The following DPP10 variants were observed in gnomAD, a reference collection of about 807,000 sequenced individuals.
DPP10 encodes inactive dipeptidyl peptidase 10.
Under a neutral mutation model 120.9 loss-of-function variants are expected in DPP10, and 33 were observed. The ratio of observed to expected loss-of-function variants is 0.27; its 90% CI spans 0.21 to 0.37. DPP10 has a LOEUF of 0.37. Among genes scored for constraint, DPP10 ranks in the 10% least tolerant of loss-of-function variants. The pLI is 1.00. For synonymous variants in DPP10, 337 were observed against 326.1 expected, an observed-to-expected ratio of 1.03 and a Z score of -0.36; for missense variants, 816 against 942.8, an observed-to-expected ratio of 0.87 and a Z score of 1.76.
intron 1 of DPP10, among the ~76,000 whole-genome samples, chr2:114,776,915 A>G (rs1681797008): frequency 1.3e-5 from 2 of 152,084 alleles, no homozygotes; most frequent in South Asian, 4.1e-4. Context: ...TCTAAGGATC[A>G]GTGTTCTCAT....
intron 5 of DPP10, among the ~76,000 whole-genome samples, chr2:115,604,783 T>C (rs755447999): frequency 1.3e-5 from 2 of 152,192 alleles, no homozygotes; most frequent in Non-Finnish European, 2.9e-5. Context: ...TTTGAAAACA[T>C]AAGTAGCCAC....
chr2:114,752,443 C>G, intron 1 of DPP10, among the ~76,000 whole-genome samples: 1 of 152,280 alleles, frequency 6.6e-6, no homozygotes, highest in East Asian at 1.9e-4. Flanking sequence ...ATTAGAGCCT[C>G]GAATTAAAAA....
chr2:115,000,913 T>A (rs1428300433), intron 1 of DPP10, among the ~76,000 whole-genome samples: 1 of 152,142 alleles, frequency 6.6e-6, no homozygotes, highest in Non-Finnish European at 1.5e-5. Context: ...AAGAAAAAAT[T>A]GATTAAGGTA....
intron 2 of DPP10, among the ~76,000 whole-genome samples, chr2:115,310,370 A>C (rs2061527650): frequency 6.6e-6 from 1 of 152,188 alleles, no homozygotes. Context: ...TTAGTCAAAT[A>C]ATTTTGGTGA....
chr2:115,111,798 C>T (rs2049235618), intron 1 of DPP10, among the ~76,000 whole-genome samples: 1 of 152,142 alleles, frequency 6.6e-6, no homozygotes, highest in Non-Finnish European at 1.5e-5. Context: ...GATCCTTGAA[C>T]ATTTGGAAAA....
chr2:115,441,651 T>C (rs950280606), intron 3 of DPP10, among the ~76,000 whole-genome samples: 1 of 152,108 alleles, frequency 6.6e-6, no homozygotes, highest in Non-Finnish European at 1.5e-5. Context: ...GAAATGTAAT[T>C]ATTTGGGGCT....
chr2:115,614,257 A>G (rs2084324861), intron 5 of DPP10, among the ~76,000 whole-genome samples: 1 of 152,182 alleles, frequency 6.6e-6, no homozygotes, highest in African/African-American at 2.4e-5. Context: ...CGTAGGTGGG[A>G]TAATTCTTTA....
At chr2:115,081,982 A>T (rs771025692) in intron 1 of DPP10, among the ~76,000 whole-genome samples, 5 of 152,208 alleles carry the variant, frequency 3.3e-5, no homozygotes, top group Non-Finnish European at 7.3e-5. Flanking sequence ...CCGCTTTTGT[A>T]CCAAGATAAA....
chr2:115,777,997 A>C (rs935954067), intron 15 of DPP10, among the ~76,000 whole-genome samples, 163 bp downstream of exon 15: 8 of 152,068 alleles, frequency 5.3e-5, no homozygotes, highest in Non-Finnish European at 1.2e-4. Context: ...CTCTCCCTTG[A>C]CAGGACTGGA....
chr2:114,895,328 A>T (rs58803966), intron 1 of DPP10, among the ~76,000 whole-genome samples: 1 of 152,386 alleles, frequency 6.6e-6, no homozygotes, highest in East Asian at 1.9e-4. Context: ...TATGGTGATC[A>T]TTAGAGACTC....
At chr2:114,632,669 T>G (rs1003081320) in intron 1 of DPP10, among the ~76,000 whole-genome samples, 2 of 151,760 alleles carry the variant, frequency 1.3e-5, no homozygotes, top group African/African-American at 4.8e-5. Context: ...CCCACCACCA[T>G]GCCCAGCTAA....
chr2:115,307,275 T>C (rs1475557238), intron 1 of DPP10, among the ~76,000 whole-genome samples: 3 of 152,102 alleles, frequency 2.0e-5, no homozygotes, highest in Non-Finnish European at 2.9e-5. Flanking sequence ...TTTTATCATA[T>C]TCACAAACTG....
intron 1 of DPP10, among the ~76,000 whole-genome samples, chr2:114,865,631 G>A (rs1484030187): frequency 2.6e-5 from 4 of 152,094 alleles, no homozygotes; most frequent in Non-Finnish European, 5.9e-5. Flanking sequence ...TCCAAATAGC[G>A]ATTCTATTTG....
At chr2:114,785,559 G>A (rs749672668) in intron 1 of DPP10, among the ~76,000 whole-genome samples, 4 of 152,158 alleles carry the variant, frequency 2.6e-5, no homozygotes, top group African/African-American at 4.8e-5. Flanking sequence ...TGAACAGCTC[G>A]TTAAATTAGG....
chr2:114,500,574 C>G (rs1250755589), intron 1 of DPP10, among the ~76,000 whole-genome samples: 2 of 152,144 alleles, frequency 1.3e-5, no homozygotes, highest in Non-Finnish European at 2.9e-5. Flanking sequence ...CAGTAAAAAC[C>G]AAGACCTGTC....
At chr2:115,740,660 G>T (rs566938384) in intron 9 of DPP10, among the ~76,000 whole-genome samples, 94 of 152,214 alleles carry the variant, frequency 6.2e-4, no homozygotes, top group African/African-American at 2.1e-3. Flanking sequence ...ATTTTCAAGT[G>T]TTGGGCAAGG....
chr2:115,515,019 G>T (rs1187761762), intron 4 of DPP10, among the ~76,000 whole-genome samples: 1 of 151,768 alleles, frequency 6.6e-6, no homozygotes, highest in Non-Finnish European at 1.5e-5. Flanking sequence ...AATTTCAACA[G>T]TACATATGGT....
At chr2:115,047,490 A>G (rs1049873595) in intron 1 of DPP10, among the ~76,000 whole-genome samples, 2 of 152,024 alleles carry the variant, frequency 1.3e-5, no homozygotes, top group African/African-American at 4.8e-5. Context: ...ATGAGTAAAA[A>G]TTATTTCCAA....
chr2:115,573,321 C>T (rs1178108780), intron 5 of DPP10, among the ~76,000 whole-genome samples: 3 of 129,778 alleles, frequency 2.3e-5, no homozygotes, highest in Admixed American at 1.7e-4. Context: ...CTTGCTCTGT[C>T]GCCCAGGCTG....
Sources: allele counts gnomAD v4.1 joint callset (sites outside exome capture counted in the v4.1 genomes callset), GRCh38; gene constraint gnomAD v4.1.1; transcripts MANE v1.5; gene names NCBI Gene and HGNC (gene_info 2026-07-23, HGNC 2026-07-21).